Variants in AFG2A observed in about 807,000 individuals in gnomAD.
AFG2A encodes AAA ATPase AFG2A.
the AFG2A span, among the ~76,000 whole-genome samples, chr4:123,034,378 T>G: frequency 6.6e-6 from 1 of 151,858 alleles, no homozygotes; most frequent in Non-Finnish European, 1.5e-5. Flanking sequence ...ATAACCCCTC[T>G]CCAACCATGA....
the AFG2A span, among the ~76,000 whole-genome samples, chr4:123,015,512 G>A: frequency 4.0e-5 from 6 of 151,764 alleles, no homozygotes; most frequent in East Asian, 3.9e-4. Flanking sequence ...TAGGGTCACC[G>A]ATCAACAGGA....
the AFG2A span, among the ~76,000 whole-genome samples, chr4:123,025,341 G>A: frequency 2.0e-5 from 3 of 152,164 alleles, no homozygotes; most frequent in African/African-American, 7.2e-5. Context: ...TGGGAAATTT[G>A]ATTTGGTTTA....
chr4:122,977,903 C>A, the AFG2A span, among the ~76,000 whole-genome samples: 18 of 151,846 alleles, frequency 1.2e-4, no homozygotes, highest in Non-Finnish European at 1.2e-4. Context: ...CACAGGCAGG[C>A]CATCCTCACA....
the AFG2A span, among the ~76,000 whole-genome samples, chr4:122,982,253 T>C: frequency 6.6e-6 from 1 of 152,188 alleles, no homozygotes; most frequent in Non-Finnish European, 1.5e-5. Flanking sequence ...ATTGATATGA[T>C]TTTATGATTT....
the AFG2A span, among the ~76,000 whole-genome samples, chr4:123,047,211 A>G: frequency 6.6e-6 from 1 of 152,128 alleles, no homozygotes; most frequent in South Asian, 2.1e-4. Context: ...TTACATTCCC[A>G]TCGACAGTGT....
At chr4:123,218,604 G>A in the AFG2A span, among the ~76,000 whole-genome samples, 2 of 152,108 alleles carry the variant, frequency 1.3e-5, no homozygotes, top group African/African-American at 2.4e-5. Flanking sequence ...TGTTAATGCA[G>A]ATAATTTTGC....
At chr4:123,278,075 A>T in the AFG2A span, among the ~76,000 whole-genome samples, 2 of 152,072 alleles carry the variant, frequency 1.3e-5, no homozygotes, top group Non-Finnish European at 2.9e-5. Flanking sequence ...TACATCTGGT[A>T]GAATTCTGTC....
At chr4:123,268,815 C>G in the AFG2A span, among the ~76,000 whole-genome samples, 1 of 152,120 alleles carries the variant, frequency 6.6e-6, no homozygotes, top group Non-Finnish European at 1.5e-5. Context: ...GGAAGCAGGT[C>G]GTTCAGCACA....
the AFG2A span, among the ~76,000 whole-genome samples, chr4:123,130,985 T>C: frequency 5.9e-5 from 9 of 152,288 alleles, no homozygotes; most frequent in East Asian, 7.7e-4. Flanking sequence ...TATCTTATTG[T>C]GGTTTTAATC....
the AFG2A span, among the ~76,000 whole-genome samples, chr4:123,177,256 G>A: frequency 6.7e-6 from 1 of 148,544 alleles, no homozygotes; most frequent in African/African-American, 2.5e-5. Context: ...GCAGTGGCAC[G>A]GTCTCGGCTC....
chr4:123,311,604 T>C, the AFG2A span, among the ~76,000 whole-genome samples: 1 of 123,728 alleles, frequency 8.1e-6, no homozygotes, highest in Non-Finnish European at 1.6e-5. Context: ...TCCAGCCTGG[T>C]GACAGAACGA....
the AFG2A span, among the ~76,000 whole-genome samples, chr4:122,945,515 G>T: frequency 2.6e-5 from 4 of 152,214 alleles, no homozygotes; most frequent in Admixed American, 6.5e-5. Context: ...GTATTAGGGT[G>T]GGAGTGACCC....
chr4:123,182,767 T>C, the AFG2A span, among the ~76,000 whole-genome samples: 1 of 152,190 alleles, frequency 6.6e-6, no homozygotes, highest in East Asian at 1.9e-4. Context: ...TGACCCTTCT[T>C]CCCTCAGTTA....
chr4:123,283,577 C>G, the AFG2A span, among the ~76,000 whole-genome samples: 9 of 152,172 alleles, frequency 5.9e-5, no homozygotes, highest in Non-Finnish European at 8.8e-5. Flanking sequence ...AATCAGGGAT[C>G]ATTAAACTAC....
At chr4:123,266,966 G>A in the AFG2A span, among the ~76,000 whole-genome samples, 1 of 151,974 alleles carries the variant, frequency 6.6e-6, no homozygotes, top group Non-Finnish European at 1.5e-5. Context: ...TTGGACCCCA[G>A]TGTTTAGGTA....
the AFG2A span, among the ~76,000 whole-genome samples, chr4:123,183,997 T>C: frequency 6.6e-6 from 1 of 152,082 alleles, no homozygotes. Flanking sequence ...GGTCTTGCCA[T>C]GTTGCCCAGA....
At chr4:123,253,344 C>A in the AFG2A span, among the ~76,000 whole-genome samples, 1 of 152,010 alleles carries the variant, frequency 6.6e-6, no homozygotes, top group African/African-American at 2.4e-5. Flanking sequence ...ATTAGCCAGG[C>A]GTGGTGGTGG....
chr4:123,138,125 T>A, the AFG2A span, among the ~76,000 whole-genome samples: 1 of 152,222 alleles, frequency 6.6e-6, no homozygotes, highest in Non-Finnish European at 1.5e-5. Context: ...CAGCCTATAG[T>A]GTGCAATTAT....
At chr4:123,150,130 T>TAATAA in the AFG2A span, among the ~76,000 whole-genome samples, 1 of 152,056 alleles carries the variant, frequency 6.6e-6, no homozygotes, top group African/African-American at 2.4e-5. Context: ...TATCTCAAAA[T>TAATAA]AATAAGAGCT....
Sources: gnomAD v4.1 joint callset for allele counts (sites outside exome capture counted in the v4.1 genomes callset) on GRCh38, gnomAD v4.1.1 for gene constraint, MANE v1.5 for transcripts, NCBI Gene and HGNC (gene_info 2026-07-23, HGNC 2026-07-21) for gene names.